Variants in DIAPH2 observed in about 807,000 individuals in gnomAD.
DIAPH2 encodes diaphanous related formin 2, also known as protein diaphanous homolog 2.
DIAPH2 carries 35 observed loss-of-function variants against 92.7 expected under a neutral mutation model. The observed-to-expected ratio is 0.38, with a 90% confidence interval of 0.29 to 0.50. DIAPH2 has a LOEUF of 0.50. Ranked by LOEUF, DIAPH2 falls within the 20% of genes least tolerant of loss-of-function variation. DIAPH2 has a pLI of 0.94. For missense variants in DIAPH2, 701 were observed against 819.5 expected, an observed-to-expected ratio of 0.86 and a Z score of 1.77; for synonymous variants, 301 against 280.4, an observed-to-expected ratio of 1.07 and a Z score of -0.73.
chrX:96,989,318 G>A (rs778466825), intron 17 of DIAPH2, among the ~76,000 whole-genome samples: 6 of 109,656 alleles, frequency 5.5e-5, no homozygotes, highest in Admixed American at 9.7e-5. Context: ...TTATTTCTTC[G>A]TGCTCCATTC....
At position 97,559,308 on chromosome X, in the gene DIAPH2, G is replaced by A. The variant is rs746439688; in HGVS notation, c.3242-39945G>A. Among the ~76,000 whole-genome samples the A allele has an allele frequency of 1.3e-3, 140 of 110,778 alleles. 1 individual carries two copies. Among genetic ancestry groups the A allele is most frequent in the African/African-American group, 4.4e-3 (133 of 30,458 alleles). ...AGATCAAGACCATCCTGGCCAACAC[G>A]GTGAAACCCTGTCTCTACTAAAAAC... On this transcript the variant is annotated intron_variant, in intron 26 of 26. Coordinates refer to ENST00000324765, the MANE Select transcript of DIAPH2 (RefSeq NM_006729.5).
intron 22 of DIAPH2, among the ~76,000 whole-genome samples, chrX:97,186,353 G>C (rs904689066): frequency 9.0e-6 from 1 of 111,547 alleles, no homozygotes; most frequent in African/African-American, 3.3e-5. Flanking sequence ...ATTATTAATA[G>C]CCTTTTAATT....
chrX:96,787,686 CTTTTT>C (rs56998803), intron 4 of DIAPH2, among the ~76,000 whole-genome samples: 1 of 54,737 alleles, frequency 1.8e-5, no homozygotes, highest in African/African-American at 9.1e-5. Context: ...ACTCTTTTCT[CTTTTT>C]TTTTTTTTTT....
chrX:97,193,012 C>CTTTTTCTTTTCTTTTTT (rs2067668434), intron 22 of DIAPH2, among the ~76,000 whole-genome samples: 2 of 86,589 alleles, frequency 2.3e-5, no homozygotes, highest in African/African-American at 1.0e-4. Flanking sequence ...TTTTTCTTTT[C>CTTTTTCTTTTCTTTTTT]TTTTTTTTTT....
intron 26 of DIAPH2, among the ~76,000 whole-genome samples, chrX:97,570,731 C>T (rs1487907848): frequency 2.7e-5 from 3 of 111,321 alleles, no homozygotes; most frequent in Non-Finnish European, 5.7e-5. Context: ...TATTTCTGAG[C>T]TATTTCTCCT....
chrX:97,149,799 C>A (rs1410641459), intron 22 of DIAPH2, among the ~76,000 whole-genome samples: 1 of 102,597 alleles, frequency 9.7e-6, no homozygotes, highest in African/African-American at 3.5e-5. Flanking sequence ...TGTACTCTAT[C>A]AATAGCAACA....
chrX:97,468,306 C>T (rs778964461), intron 26 of DIAPH2, among the ~76,000 whole-genome samples: 1 of 111,191 alleles, frequency 9.0e-6, no homozygotes, highest in African/African-American at 3.3e-5. Flanking sequence ...AATGGTTGTC[C>T]AAAGTACATA....
chrX:97,407,269 T>A (rs1471957612), intron 25 of DIAPH2, among the ~76,000 whole-genome samples: 1 of 112,082 alleles, frequency 8.9e-6, no homozygotes, highest in Admixed American at 9.5e-5. Context: ...GTTCTTCAGA[T>A]ATATTACATA....
chrX:97,095,266 G>A (rs1354306881), intron 19 of DIAPH2, among the ~76,000 whole-genome samples: 1 of 104,698 alleles, frequency 9.6e-6, no homozygotes, highest in Non-Finnish European at 1.9e-5. Flanking sequence ...ACAGGTGCCC[G>A]CCACCGTGCC....
At chrX:97,433,760 TTAAGA>T (rs1314397000) in intron 26 of DIAPH2, among the ~76,000 whole-genome samples, 2 of 111,730 alleles carry the variant, frequency 1.8e-5, no homozygotes, top group Admixed American at 9.5e-5. Flanking sequence ...GTAGAAATAA[TTAAGA>T]TAAGATTTCC....
chrX:96,733,032 C>T (rs1360466074), intron 1 of DIAPH2, among the ~76,000 whole-genome samples: 3 of 111,513 alleles, frequency 2.7e-5, no homozygotes, highest in Non-Finnish European at 5.7e-5. Flanking sequence ...CATCAGGAGG[C>T]ATTGAATATT....
Position 97,005,413 on chromosome X carries a change from C to T in DIAPH2, c.2050+40206C>T, listed in dbSNP as rs183282071. On this transcript the variant is annotated intron_variant, in intron 17 of 26. Transcript: ENST00000324765. ...GTTTGGTAGAATTTAGCAGTGAAACCGTCTCTCGGATTTCTTTACTAGGAG... is the reference window on the plus strand; with the variant it reads ...GTTTGGTAGAATTTAGCAGTGAAACTGTCTCTCGGATTTCTTTACTAGGAG... 5.5e-5 allele frequency among the ~76,000 whole-genome samples: 6 copies of T among 109,653 alleles called. No individual in the cohort carries two copies. The East Asian group carries it at 1.7e-3, about 31-fold the overall frequency.
chrX:97,398,403 G>A (rs1474133402), intron 25 of DIAPH2, among the ~76,000 whole-genome samples: 1 of 111,551 alleles, frequency 9.0e-6, no homozygotes, highest in Non-Finnish European at 1.9e-5. Flanking sequence ...ACATTCACAT[G>A]CAGCCTGTAC....
chrX:97,269,745 A>ATTTTTTT (rs199849674), intron 23 of DIAPH2, among the ~76,000 whole-genome samples: 1 of 104,633 alleles, frequency 9.6e-6, no homozygotes, highest in African/African-American at 3.7e-5. Context: ...AGGAGATACT[A>ATTTTTTT]TTTTTATTTT....
chrX:96,951,318 C>A (rs1439534335), intron 15 of DIAPH2, among the ~76,000 whole-genome samples: 1 of 111,599 alleles, frequency 9.0e-6, no homozygotes, highest in African/African-American at 3.3e-5. Context: ...AAAGCTTCAC[C>A]AAAAACTCCA....
chrX:97,107,453 A>G (rs1321016804), intron 20 of DIAPH2, among the ~76,000 whole-genome samples: 1 of 112,044 alleles, frequency 8.9e-6, no homozygotes, highest in African/African-American at 3.3e-5. Context: ...GATTTGCTAC[A>G]GAAAGTATTA....
intron 22 of DIAPH2, among the ~76,000 whole-genome samples, chrX:97,201,964 ATC>A (rs1215082842): frequency 1.8e-5 from 2 of 111,702 alleles, no homozygotes; most frequent in Non-Finnish European, 3.8e-5. Flanking sequence ...CTAACAGCAG[ATC>A]TCTCTACAGG....
intron 26 of DIAPH2, among the ~76,000 whole-genome samples, chrX:97,590,567 A>C (rs1275074334): frequency 8.9e-6 from 1 of 112,450 alleles, no homozygotes; most frequent in Non-Finnish European, 1.9e-5. Context: ...AGTCATAGGC[A>C]TATATGCCAC....
chrX:97,596,274 C>T (rs902591404), intron 26 of DIAPH2, among the ~76,000 whole-genome samples: 6 of 111,593 alleles, frequency 5.4e-5, no homozygotes, highest in East Asian at 5.6e-4. Flanking sequence ...TCCAATCAAG[C>T]GTGTTTTTCT....
Sources: allele counts gnomAD v4.1 joint callset (sites outside exome capture counted in the v4.1 genomes callset), GRCh38; gene constraint gnomAD v4.1.1; transcripts MANE v1.5; gene names NCBI Gene and HGNC (gene_info 2026-07-23, HGNC 2026-07-21).